The following IP6K3 variants were observed in gnomAD, a reference collection of about 807,000 sequenced individuals.
IP6K3 encodes ATP:1D-myo-inositol-hexakisphosphate phosphotransferase.
IP6K3 carries 20 observed loss-of-function variants against 28.8 expected under a neutral mutation model. The observed-to-expected ratio is 0.70, with a 90% CI of 0.49 to 1.01. The LOEUF (loss-of-function observed/expected upper bound fraction) is 1.01. Among genes scored for constraint, IP6K3 ranks in the 50% least tolerant of loss-of-function variants. The pLI is 0.00. For synonymous variants in IP6K3, 213 were observed against 221.3 expected (o/e 0.96, Z 0.33); for missense variants, 480 against 537.1 (o/e 0.89, Z 1.05).
chr6:33,728,626 G>A lies in IP6K3; in HGVS notation c.200-326C>T, dbSNP rs375206847. ...TCCTTGCGTTCCAGTTCCTCTGTGC[G>A]CAGTCACACCTCCCAGTCACACCAC... On this transcript the variant is annotated intron_variant, in intron 2 of 5. Coordinates refer to ENST00000293756, the MANE Select transcript of IP6K3 (RefSeq NM_054111.5). 1.2e-4 allele frequency among the ~76,000 whole-genome samples: 18 copies of A among 152,268 alleles called. No homozygotes were observed. In the South Asian group the frequency reaches 1.7e-3, roughly 14 times the overall value.
chr6:33,730,140 C>T (rs1023928939), intron 2 of IP6K3, among the ~76,000 whole-genome samples: 1 of 152,218 alleles, frequency 6.6e-6, no homozygotes, highest in African/African-American at 2.4e-5. Context: ...ATTTCTCCCC[C>T]CAGCCACGTG....
At chr6:33,738,501 G>A (rs2127361354) in intron 1 of IP6K3, among the ~76,000 whole-genome samples, 1 of 151,846 alleles carries the variant, frequency 6.6e-6, no homozygotes, top group South Asian at 2.1e-4. Flanking sequence ...CTGTAGCCAT[G>A]TTCTAGTGCT....
In IP6K3 at chr6:33,746,460, T is replaced by C. The variant is rs765367340; in HGVS notation, c.-180+298A>G. ...GAAGTGAGAGGGCTCCAGGCACCCC[T>C]GGAAGGGGAGGGGTGGAATTCCCCT... is the stretch of plus-strand genomic sequence containing the variant. On this transcript the variant is annotated intron_variant, in intron 1 of 5. Coordinates refer to ENST00000293756, the MANE Select transcript of IP6K3 (RefSeq NM_054111.5). This position sits in a 1 kb window ranked among gnomAD's most constrained non-coding sequence, Gnocchi z 6.5. 6.6e-5 allele frequency: 10 copies of C among 152,270 alleles called. No homozygotes were observed. The highest frequency in any genetic ancestry group is 1.2e-4 in the Non-Finnish European group (8 of 68,218). 9.4% of individuals were successfully genotyped at this position (152,270 alleles called of 1,614,324 possible).
intron 2 of IP6K3, among the ~76,000 whole-genome samples, chr6:33,732,229 A>T (rs970986062): frequency 6.6e-6 from 1 of 152,106 alleles, no homozygotes; most frequent in Non-Finnish European, 1.5e-5. Flanking sequence ...TCCCAGGCGA[A>T]CTCTGACCCA....
chr6:33,758,974 A>G, the IP6K3 span, among the ~76,000 whole-genome samples: 1 of 152,268 alleles, frequency 6.6e-6, no homozygotes, highest in South Asian at 2.1e-4. Context: ...TACGTGTCGT[A>G]ACACTAATGT....
upstream of IP6K3, among the ~76,000 whole-genome samples, chr6:33,751,519 T>TGTGTGTGTGTGTGTGTG (rs36009611): frequency 3.4e-5 from 3 of 89,064 alleles, no homozygotes; most frequent in African/African-American, 1.2e-4. This position sits in a 1 kb window ranked among gnomAD's most constrained non-coding sequence, Gnocchi z 4.3. Flanking sequence ...TGTGTGTGTG[T>TGTGTGTGTGTGTGTGTG]TTGGCCCCGG....
upstream of IP6K3, among the ~76,000 whole-genome samples, chr6:33,750,956 T>C (rs567964131): frequency 2.0e-5 from 3 of 152,272 alleles, no homozygotes; most frequent in South Asian, 6.2e-4. This position sits in a 1 kb window ranked among gnomAD's most constrained non-coding sequence, Gnocchi z 4.3. Flanking sequence ...GGGTGGCGGC[T>C]ACAGACCTGC....
intron 1 of IP6K3, among the ~76,000 whole-genome samples, chr6:33,745,892 A>T (rs1766890088): frequency 6.6e-6 from 1 of 152,238 alleles, no homozygotes. Flanking sequence ...CGCAGGATGT[A>T]CAAGTGTGCA....
Position 33,735,587 on chromosome 6 carries a change from C to G in IP6K3, c.-111G>C. ...GGGGCTGTCAGCGGTCCTCAACTTT[C>G]TCCTTCTTGGCCTTTATTGCTGTCA... On this transcript the variant is annotated 5_prime_UTR_variant, in exon 2 of 6. Transcript: ENST00000293756. The G allele has an allele frequency of 6.6e-7, 1 of 1,505,032 alleles. No homozygotes were observed. Among genetic ancestry groups the G allele is most frequent in the Non-Finnish European group, 8.8e-7 (1 of 1,134,488 alleles). 93.2% of individuals were successfully genotyped at this position (1,505,032 alleles called of 1,614,324 possible). A position where few individuals can be genotyped will look rare whatever the true frequency, so the allele number is the denominator to read the frequency against.
In IP6K3 at chr6:33,722,508, G is replaced by A; in HGVS notation, c.*212C>T. The A allele has an allele frequency of 4.2e-6, 2 of 476,754 alleles. No individual in the cohort carries two copies. Among genetic ancestry groups the A allele is most frequent in the Non-Finnish European group, 7.4e-6 (2 of 268,866 alleles). 29.5% of individuals were successfully genotyped at this position (476,754 alleles called of 1,614,324 possible). On this transcript the variant is annotated 3_prime_UTR_variant, in exon 6 of 6. Transcript: ENST00000293756. ...CTGGCTGTCTGTTCTCCGATGAGCA[G>A]CATTAGAGCATAATGCCAGGGGATG... is the stretch of plus-strand genomic sequence containing the variant.
At position 33,746,526 on chromosome 6, in the gene IP6K3, T is replaced by C. The variant is rs1766916061; in HGVS notation, c.-180+232A>G. ...GATGAAAGAGGAACAGATGCCAGAA[T>C]TCCTATACACTGAACTGTCCCAACG... On this transcript the variant is annotated intron_variant, in intron 1 of 5. Transcript: ENST00000293756. This position sits in a 1 kb window ranked among gnomAD's most constrained non-coding sequence, Gnocchi z 6.5. 1 of 152,090 alleles carries C rather than the reference T, an allele frequency of 6.6e-6. No homozygotes were observed. Among genetic ancestry groups the C allele is most frequent in the South Asian group, 2.1e-4 (1 of 4,816 alleles). 9.4% of individuals were successfully genotyped at this position (152,090 alleles called of 1,614,324 possible). A position where few individuals can be genotyped will look rare whatever the true frequency, so the allele number is the denominator to read the frequency against.
chr6:33,744,781 A>G lies in IP6K3; in HGVS notation c.-180+1977T>C, dbSNP rs760431150. Reference sequence around the variant, plus strand: ...GGCAGATGTTTTTGAAAAGCTCAGAAGCCATCATTGAGGTTGGATTCTCCC... The same window carrying G: ...GGCAGATGTTTTTGAAAAGCTCAGAGGCCATCATTGAGGTTGGATTCTCCC... On this transcript the variant is annotated intron_variant, in intron 1 of 5. Transcript: ENST00000293756. This position sits in a 1 kb window ranked among gnomAD's most constrained non-coding sequence, Gnocchi z 4.4. 1.3e-5 allele frequency among the ~76,000 whole-genome samples: 2 copies of G among 152,182 alleles called. No homozygotes were observed. The highest frequency in any genetic ancestry group is 2.9e-5 in the Non-Finnish European group (2 of 68,032).
chr6:33,735,669 G>C lies in IP6K3; in HGVS notation c.-179-14C>G. On this transcript the variant is annotated splice_polypyrimidine_tract_variant and intron_variant, in intron 1 of 5. Transcript: ENST00000293756. ...CAGCGGGGTCCTCTGGAAAGCAGGGGAGGAAGGAGGAAGTTATATGAGGGA... is the reference window on the plus strand; with the variant it reads ...CAGCGGGGTCCTCTGGAAAGCAGGGCAGGAAGGAGGAAGTTATATGAGGGA... 7.3e-7 allele frequency: 1 copy of C among 1,363,184 alleles called. No individual in the cohort carries two copies. Among genetic ancestry groups the C allele is most frequent in the South Asian group, 1.5e-5 (1 of 65,802 alleles). The allele number at this position is 1,363,184 out of a possible 1,614,324, so 84.4% of individuals were successfully genotyped here.
At chr6:33,750,775 C>G (rs1767011568), upstream of IP6K3, among the ~76,000 whole-genome samples, 1 of 152,178 alleles carries the variant, frequency 6.6e-6, no homozygotes, top group African/African-American at 2.4e-5. This position sits in a 1 kb window ranked among gnomAD's most constrained non-coding sequence, Gnocchi z 4.3. Context: ...TTTCCTCTCC[C>G]TGACCCCAGT....
intron 2 of IP6K3, among the ~76,000 whole-genome samples, chr6:33,734,199 G>A (rs1225509975): frequency 2.1e-5 from 1 of 47,202 alleles, no homozygotes; most frequent in Non-Finnish European, 4.0e-5. Context: ...CCGAAACTCC[G>A]TCTCAAAAAA....
chr6:33,722,914 C>T lies in IP6K3; in HGVS notation c.1039G>A (p.Glu347Lys), dbSNP rs36101795. Residue 347 changes from glutamate (E) to lysine (K), a missense_variant, in exon 6 of 6, where the codon GAG (glutamate) becomes AAG (lysine). By Grantham distance (56) the Glu-to-Lys change is moderately conservative. Transcript: ENST00000293756. ...ERAPGSPHPH[E>K]APQAAHGSSP... ...CTACCGTGGGCTGCCTGGGGAGCCT[C>T]GTGAGGATGCGGGCTGCCTGGGGCT... 23,470 of 1,613,818 alleles carry T rather than the reference C, an allele frequency of 0.015. 233 individuals carry two copies. The highest frequency in any genetic ancestry group is 0.018 in the Non-Finnish European group (20,742 of 1,179,940).
At chr6:33,760,748 G>A in the IP6K3 span, among the ~76,000 whole-genome samples, 2 of 152,142 alleles carry the variant, frequency 1.3e-5, no homozygotes, top group African/African-American at 2.4e-5. Flanking sequence ...GGATGGTCTC[G>A]ATCTCTTAAC....
At chr6:33,743,989 C>A (rs1454313912) in intron 1 of IP6K3, among the ~76,000 whole-genome samples, 1 of 151,906 alleles carries the variant, frequency 6.6e-6, no homozygotes, top group East Asian at 1.9e-4. Context: ...CTTAGCAGCA[C>A]CAACAATGTT....
intron 1 of IP6K3, 48 bp from the exon 2 acceptor site, chr6:33,735,703 C>T: frequency 8.8e-7 from 1 of 1,137,998 alleles, no homozygotes; most frequent in Non-Finnish European, 1.2e-6. Context: ...GAGGTGGTGG[C>T]TGGGGCAGGG....
Sources: allele counts gnomAD v4.1 joint callset (sites outside exome capture counted in the v4.1 genomes callset), GRCh38; gene constraint gnomAD v4.1.1; non-coding constraint Gnocchi (gnomAD v3.1); transcripts MANE v1.5; gene names NCBI Gene and HGNC (gene_info 2026-07-23, HGNC 2026-07-21).